Variants in CRPPA observed in about 807,000 individuals in gnomAD.
CRPPA encodes the protein D-ribitol-5-phosphate cytidylyltransferase.
In CRPPA, 43 loss-of-function variants were observed where a neutral mutation model predicts 52.0. The observed-to-expected ratio is 0.83, with a 90% CI of 0.65 to 1.07. The LOEUF (loss-of-function observed/expected upper bound fraction) is 1.07, where lower values mean the gene tolerates loss of function less well. Among genes scored for constraint, CRPPA ranks in the 50% least tolerant of loss-of-function variants. The pLI, the probability that CRPPA is intolerant of heterozygous loss-of-function variation, is 0.00. For synonymous variants in CRPPA, 250 were observed against 203.5 expected, an observed-to-expected ratio of 1.23 and a Z score of -1.94; for missense variants, 629 against 551.7, an observed-to-expected ratio of 1.14 and a Z score of -1.40.
chr7:16,153,786 A>G (rs925059744), intron 9 of CRPPA, among the ~76,000 whole-genome samples: 4 of 152,156 alleles, frequency 2.6e-5, no homozygotes, highest in African/African-American at 9.7e-5. Context: ...TTTTCTTTAG[A>G]AAACTAAACT....
rs1325845862 is a variant in CRPPA at position 16,216,091 on chromosome 7, T to C, written c.1226A>G (p.Tyr409Cys). 8 of 1,598,414 alleles carry C rather than the reference T, an allele frequency of 5.0e-6. No homozygotes were observed. Among genetic ancestry groups the C allele is most frequent in the African/African-American group, 2.7e-5 (2 of 74,202 alleles). Residue 409 changes from tyrosine to cysteine, a missense_variant, in exon 9 of 10, where the codon TAT (tyrosine) becomes TGT (cysteine). Coordinates refer to ENST00000407010, the MANE Select transcript of CRPPA (RefSeq NM_001101426.4). ...CTGTGGGTAAGATATGAGAAGCCCA[T>C]ATAACAAAATATTTCTTTCTTTTAC... is the stretch of plus-strand genomic sequence containing the variant. The part of the protein sequence containing the change: ...KEVKERNILL[Y>C]GLLISYPQDD...
intron 8 of CRPPA, among the ~76,000 whole-genome samples, chr7:16,251,828 A>C (rs987824240): frequency 5.3e-5 from 8 of 152,174 alleles, no homozygotes; most frequent in African/African-American, 1.9e-4. Context: ...CTAGAGGAGC[A>C]AGAGCAAACA....
intron 2 of CRPPA, among the ~76,000 whole-genome samples, chr7:16,382,758 A>T (rs1352192753): frequency 2.0e-5 from 3 of 151,900 alleles, no homozygotes; most frequent in Non-Finnish European, 4.4e-5. Context: ...TCCATCGCTG[A>T]TACCCTTTCT....
chr7:16,174,324 C>T (rs968336999), intron 9 of CRPPA, among the ~76,000 whole-genome samples: 4 of 152,072 alleles, frequency 2.6e-5, no homozygotes, highest in African/African-American at 7.2e-5. Flanking sequence ...CAAATCTTTT[C>T]GGTAAGAGGT....
intron 2 of CRPPA, among the ~76,000 whole-genome samples, chr7:16,381,502 T>A (rs1276754555): frequency 1.2e-4 from 19 of 152,128 alleles, no homozygotes; most frequent in Non-Finnish European, 2.8e-4. Flanking sequence ...AGATGTCTAT[T>A]AGGTCCGCTT....
At chr7:16,421,006 G>C in intron 1 of CRPPA, 60 bp downstream of exon 1, 7 of 1,247,984 alleles carry the variant, frequency 5.6e-6, no homozygotes, top group Non-Finnish European at 7.1e-6. Context: ...AGCAGCGGCA[G>C]GGCGGGGAGC....
chr7:16,237,973 C>T (rs1782996087), intron 8 of CRPPA, among the ~76,000 whole-genome samples: 1 of 152,138 alleles, frequency 6.6e-6, no homozygotes, highest in Non-Finnish European at 1.5e-5. Context: ...GCTAAATTGC[C>T]TCTTTTTCAA....
intron 9 of CRPPA, among the ~76,000 whole-genome samples, chr7:16,135,728 A>G (rs1163008628): frequency 6.6e-6 from 1 of 152,190 alleles, no homozygotes; most frequent in Admixed American, 6.5e-5. Context: ...CACACAAATT[A>G]TTGACTACTT....
At chr7:16,375,691 T>A (rs1786862341) in intron 3 of CRPPA, among the ~76,000 whole-genome samples, 2 of 152,138 alleles carry the variant, frequency 1.3e-5, no homozygotes, top group South Asian at 4.1e-4. Flanking sequence ...GAACACCAAC[T>A]TTCCTTCTGG....
intron 8 of CRPPA, among the ~76,000 whole-genome samples, chr7:16,231,634 G>A (rs79361813): frequency 1.3e-5 from 2 of 149,100 alleles, no homozygotes; most frequent in South Asian, 4.2e-4. Context: ...AAAACAGACT[G>A]AACTTTTTCT....
At chr7:16,111,948 G>A (rs1310640613) in intron 9 of CRPPA, among the ~76,000 whole-genome samples, 4 of 152,176 alleles carry the variant, frequency 2.6e-5, no homozygotes, top group Non-Finnish European at 5.9e-5. Flanking sequence ...TTGAAGAGAT[G>A]TATATGTTAA....
At chr7:16,256,363 C>T (rs898847904) in intron 8 of CRPPA, among the ~76,000 whole-genome samples, 10 of 152,118 alleles carry the variant, frequency 6.6e-5, no homozygotes, top group African/African-American at 1.7e-4. Context: ...GGCAATTCCT[C>T]AAGAATCTAG....
intron 8 of CRPPA, among the ~76,000 whole-genome samples, chr7:16,243,148 T>A (rs554213949): frequency 1.6e-4 from 24 of 152,282 alleles, no homozygotes; most frequent in African/African-American, 5.8e-4. Flanking sequence ...GTTCTCGTGA[T>A]AGTGAGTTCT....
At chr7:16,396,644 C>T (rs1363629478) in intron 2 of CRPPA, among the ~76,000 whole-genome samples, 1 of 152,236 alleles carries the variant, frequency 6.6e-6, no homozygotes, top group East Asian at 1.9e-4. Context: ...AGCAGCACAA[C>T]TTGCAACTGC....
At chr7:16,363,922 T>G (rs140438558) in intron 3 of CRPPA, among the ~76,000 whole-genome samples, 2 of 152,290 alleles carry the variant, frequency 1.3e-5, no homozygotes, top group South Asian at 4.1e-4. Context: ...AAATGTCAGT[T>G]AGAAAACATG....
At chr7:16,316,856 C>T (rs1037376474) in intron 3 of CRPPA, among the ~76,000 whole-genome samples, 2 of 151,962 alleles carry the variant, frequency 1.3e-5, no homozygotes, top group Non-Finnish European at 2.9e-5. Context: ...GAGACACCAT[C>T]TCTAATAGAA....
intron 8 of CRPPA, among the ~76,000 whole-genome samples, chr7:16,245,798 A>G (rs1223742091): frequency 6.6e-6 from 1 of 152,250 alleles, no homozygotes; most frequent in Non-Finnish European, 1.5e-5. Flanking sequence ...TCATATTTAC[A>G]TTATACTATC....
At chr7:16,241,298 C>T (rs1318928533) in intron 8 of CRPPA, among the ~76,000 whole-genome samples, 1 of 151,978 alleles carries the variant, frequency 6.6e-6, no homozygotes, top group Non-Finnish European at 1.5e-5. Context: ...ATAACTAGAA[C>T]TCAATTCAAT....
At chr7:16,398,613 A>G (rs1162407423) in intron 2 of CRPPA, among the ~76,000 whole-genome samples, 1 of 152,120 alleles carries the variant, frequency 6.6e-6, no homozygotes, top group Non-Finnish European at 1.5e-5. Flanking sequence ...CATGATTGAC[A>G]CATCACCAAC....
Sources: allele counts gnomAD v4.1 joint callset (sites outside exome capture counted in the v4.1 genomes callset), GRCh38; gene constraint gnomAD v4.1.1; transcripts MANE v1.5; gene names NCBI Gene and HGNC (gene_info 2026-07-23, HGNC 2026-07-21).